CACNA2D3: variants seen among roughly 807,000 people sequenced by gnomAD.
The protein encoded by CACNA2D3 is voltage-dependent calcium channel subunit alpha-2/delta-3.
Under a neutral mutation model 160.6 loss-of-function variants are expected in CACNA2D3, and 60 were observed. The ratio of observed to expected loss-of-function variants is 0.37; its 90% CI spans 0.30 to 0.46. The LOEUF (loss-of-function observed/expected upper bound fraction) is 0.46, where lower values mean the gene tolerates loss of function less well. Among genes scored for constraint, CACNA2D3 ranks in the 20% least tolerant of loss-of-function variants. The pLI, the probability that CACNA2D3 is intolerant of heterozygous loss-of-function variation, is 1.00. For missense variants in CACNA2D3, 1,205 were observed against 1,365.0 expected (o/e 0.88, Z 1.85); for synonymous variants, 558 against 492.9 (o/e 1.13, Z -1.75).
At chr3:54,667,613 T>C (rs1700090449) in intron 11 of CACNA2D3, among the ~76,000 whole-genome samples, 4 of 152,124 alleles carry the variant, frequency 2.6e-5, no homozygotes, top group Admixed American at 2.0e-4. Flanking sequence ...TCTAGTTTGT[T>C]GGAAAATGGT....
intron 4 of CACNA2D3, among the ~76,000 whole-genome samples, chr3:54,489,426 C>T (rs928692332): frequency 2.0e-5 from 3 of 152,200 alleles, no homozygotes; most frequent in Non-Finnish European, 4.4e-5. Context: ...GTAGGTAGAA[C>T]CACATGAACT....
intron 2 of CACNA2D3, among the ~76,000 whole-genome samples, chr3:54,177,575 C>T (rs1576980736): frequency 6.6e-6 from 1 of 152,190 alleles, no homozygotes; most frequent in African/African-American, 2.4e-5. Flanking sequence ...CCTGCAGTTA[C>T]AAAGCTTCCT....
intron 4 of CACNA2D3, among the ~76,000 whole-genome samples, chr3:54,482,749 AC>A (rs1408792775): frequency 3.3e-5 from 5 of 152,144 alleles, no homozygotes; most frequent in African/African-American, 4.8e-5. Flanking sequence ...TTCCTTTCCA[AC>A]GAGTGACTCA....
intron 35 of CACNA2D3, among the ~76,000 whole-genome samples, chr3:55,072,821 GA>G (rs1704841502): frequency 6.6e-6 from 1 of 152,202 alleles, no homozygotes; most frequent in South Asian, 2.1e-4. Context: ...TATCCTGATG[GA>G]TCAGAAGGTC....
chr3:54,924,214 CAA>C (rs1428369591), intron 27 of CACNA2D3, among the ~76,000 whole-genome samples: 2 of 152,060 alleles, frequency 1.3e-5, no homozygotes, highest in African/African-American at 4.8e-5. Context: ...TAGAAGCAGA[CAA>C]AGAGAGAAAA....
chr3:54,944,477 G>A (rs1240866775), intron 27 of CACNA2D3, among the ~76,000 whole-genome samples: 3 of 151,912 alleles, frequency 2.0e-5, no homozygotes, highest in Non-Finnish European at 4.4e-5. Context: ...CTGGAGTGCA[G>A]TGGCATGATC....
intron 17 of CACNA2D3, among the ~76,000 whole-genome samples, chr3:54,862,384 C>T (rs1575516838): frequency 1.6e-5 from 1 of 61,530 alleles, no homozygotes; most frequent in African/African-American, 5.3e-5. Context: ...AAATTACACA[C>T]ACACACACAC....
intron 13 of CACNA2D3, among the ~76,000 whole-genome samples, chr3:54,800,755 G>C (rs1325521791): frequency 6.6e-6 from 1 of 152,130 alleles, no homozygotes; most frequent in Non-Finnish European, 1.5e-5. Context: ...AAAAACTCCA[G>C]ATCTTTTCAT....
At chr3:54,595,415 C>T (rs1335340262) in intron 9 of CACNA2D3, among the ~76,000 whole-genome samples, 2 of 151,794 alleles carry the variant, frequency 1.3e-5, no homozygotes, top group Admixed American at 6.6e-5. Context: ...GCCAAGGAGA[C>T]TAATCAAGTG....
intron 11 of CACNA2D3, among the ~76,000 whole-genome samples, chr3:54,723,427 C>T (rs563722549): frequency 5.1e-4 from 77 of 152,260 alleles, no homozygotes; most frequent in Admixed American, 1.3e-4. Context: ...GCATTCCAGG[C>T]GCCACTGGGG....
intron 31 of CACNA2D3, among the ~76,000 whole-genome samples, chr3:55,004,359 G>T (rs963756932): frequency 5.3e-5 from 8 of 152,280 alleles, no homozygotes; most frequent in Middle Eastern, 3.4e-3. Context: ...TCCCAAAGTG[G>T]TTCTTCTTAG....
chr3:54,928,208 A>G (rs758469210), intron 27 of CACNA2D3: 1 of 432,520 alleles, frequency 2.3e-6, no homozygotes, highest in Non-Finnish European at 4.1e-6. Context: ...TGCCTTTCCC[A>G]TTCAGACGAT....
intron 2 of CACNA2D3, among the ~76,000 whole-genome samples, chr3:54,136,194 TC>T (rs1239248821): frequency 6.6e-6 from 1 of 152,206 alleles, no homozygotes; most frequent in Admixed American, 6.5e-5. Context: ...AAATATTTGG[TC>T]CCAGTGTGTC....
chr3:54,152,147 T>C (rs1700163640), intron 2 of CACNA2D3, among the ~76,000 whole-genome samples: 1 of 152,226 alleles, frequency 6.6e-6, no homozygotes, highest in Non-Finnish European at 1.5e-5. Context: ...CTTGGGACAC[T>C]GAGCTCCTTC....
intron 27 of CACNA2D3, among the ~76,000 whole-genome samples, chr3:54,905,965 C>T (rs575375895): frequency 1.2e-4 from 19 of 152,234 alleles, no homozygotes; most frequent in Middle Eastern, 3.4e-3. Flanking sequence ...GCTGGGGATA[C>T]AGCTGTGAAC....
At chr3:54,887,297 T>C (rs1699949456) in intron 23 of CACNA2D3, among the ~76,000 whole-genome samples, 1 of 151,952 alleles carries the variant, frequency 6.6e-6, no homozygotes, top group Admixed American at 6.6e-5. Context: ...GGTAGTGGCC[T>C]GTGCCTGTAA....
intron 2 of CACNA2D3, among the ~76,000 whole-genome samples, chr3:54,236,059 G>A (rs1701871000): frequency 6.6e-6 from 1 of 152,162 alleles, no homozygotes; most frequent in South Asian, 2.1e-4. Flanking sequence ...CCCAAAACCT[G>A]TAACCTCAGT....
At chr3:54,317,525 G>A (rs1485162468) in intron 2 of CACNA2D3, among the ~76,000 whole-genome samples, 2 of 151,882 alleles carry the variant, frequency 1.3e-5, no homozygotes, top group Non-Finnish European at 2.9e-5. Flanking sequence ...GAGCAAGAGT[G>A]GGCCAAACTC....
At chr3:54,822,832 T>TTTCTTTTCTCTCTTTC (rs1553874401) in intron 14 of CACNA2D3, among the ~76,000 whole-genome samples, 8 of 57,976 alleles carry the variant, frequency 1.4e-4, no homozygotes, top group African/African-American at 6.1e-4. Flanking sequence ...TCTTTCTTTC[T>TTTCTTTTCTCTCTTTC]TTTCTTTCTT....
Sources: gnomAD v4.1 joint callset for allele counts (sites outside exome capture counted in the v4.1 genomes callset) on GRCh38, gnomAD v4.1.1 for gene constraint, MANE v1.5 for transcripts, NCBI Gene and HGNC (gene_info 2026-07-23, HGNC 2026-07-21) for gene names.